OSBPL9: variants seen among roughly 807,000 people sequenced by gnomAD.
OSBPL9 encodes the protein oxysterol-binding protein-related protein 9.
A neutral mutation model predicts 106.6 loss-of-function variants in OSBPL9; 40 were observed. The ratio of observed to expected loss-of-function variants is 0.38; its 90% CI spans 0.29 to 0.49. The LOEUF is 0.49. Ranked by LOEUF, OSBPL9 falls within the 20% of genes least tolerant of loss-of-function variation. The probability of loss-of-function intolerance (pLI) is 0.97; values close to 1 mark genes in which losing one functional copy is unlikely to be tolerated. For synonymous variants in OSBPL9, 269 were observed against 295.4 expected, an observed-to-expected ratio of 0.91 and a Z score of 0.92; for missense variants, 609 against 887.2, an observed-to-expected ratio of 0.69 and a Z score of 3.98.
At chr1:51,530,212 A>C in the OSBPL9 span, among the ~76,000 whole-genome samples, 1 of 144,764 alleles carries the variant, frequency 6.9e-6, no homozygotes, top group Admixed American at 6.9e-5. Context: ...AAAACCTCTA[A>C]GAAGAAAACA....
chr1:51,632,034 A>G (rs902796896), intron 1 of OSBPL9, among the ~76,000 whole-genome samples: 3 of 152,112 alleles, frequency 2.0e-5, no homozygotes, highest in Admixed American at 1.3e-4. Context: ...TATGATAACA[A>G]TGCTTTCTTC....
intron 22 of OSBPL9, 36 bp downstream of exon 22, chr1:51,786,653 G>A: frequency 6.4e-7 from 1 of 1,562,708 alleles, no homozygotes; most frequent in Non-Finnish European, 8.8e-7. Context: ...TATTGCTGCA[G>A]TGCTTAAACT....
intron 3 of OSBPL9, chr1:51,709,031 C>G (rs1659228757): frequency 6.6e-6 from 1 of 152,194 alleles, no homozygotes; most frequent in African/African-American, 2.4e-5. Flanking sequence ...GAGCAAGCAG[C>G]TCCCTCCCTC....
At chr1:51,546,953 A>AGCAAC in the OSBPL9 span, among the ~76,000 whole-genome samples, 1 of 152,232 alleles carries the variant, frequency 6.6e-6, no homozygotes, top group Non-Finnish European at 1.5e-5. Flanking sequence ...TAATTAAATC[A>AGCAAC]GCAACGTACT....
chr1:51,607,309 G>A (rs1643956052), intron 2 of OSBPL9, among the ~76,000 whole-genome samples: 2 of 151,450 alleles, frequency 1.3e-5, no homozygotes, highest in South Asian at 4.2e-4. Flanking sequence ...TCACAAGTGT[G>A]CACCACCACA....
upstream of OSBPL9, chr1:51,574,190 A>G (rs1272947457): frequency 2.6e-5 from 4 of 152,244 alleles, no homozygotes; most frequent in African/African-American, 4.8e-5. Context: ...CAATTGTCTG[A>G]ATCCCACTAT....
In OSBPL9 at chr1:51,736,257, C is replaced by T. The variant is rs189060312; in HGVS notation, c.319-9279C>T. Among the ~76,000 whole-genome samples the T allele has an allele frequency of 4.7e-4, 71 of 152,264 alleles. 3 individuals carry two copies. In the South Asian group the frequency reaches 0.012, roughly 25 times the overall value. ...CAGTAATTTTGTATGCACTTTTTAA[C>T]AACTTTAGCGAAAACCGAATCTGTT... On this transcript the variant is annotated intron_variant, in intron 4 of 23. Coordinates refer to ENST00000428468, the MANE Select transcript of OSBPL9 (RefSeq NM_024586.6).
chr1:51,784,142 G>A, intron 18 of OSBPL9, 117 bp downstream of exon 18: 2 of 1,379,144 alleles, frequency 1.5e-6, no homozygotes, highest in South Asian at 1.2e-5. Context: ...AGCAAAGGGT[G>A]GGGAACTAGA....
intron 4 of OSBPL9, among the ~76,000 whole-genome samples, chr1:51,734,665 A>T (rs1401933340): frequency 6.6e-6 from 1 of 152,138 alleles, no homozygotes; most frequent in Non-Finnish European, 1.5e-5. Context: ...AAAAATTTTT[A>T]TTATTGTGGA....
intron 15 of OSBPL9, among the ~76,000 whole-genome samples, 193 bp from the exon 16 acceptor site, chr1:51,780,968 AAAG>A (rs1332597252): frequency 1.3e-5 from 2 of 152,206 alleles, no homozygotes; most frequent in African/African-American, 4.8e-5. Flanking sequence ...ATTAAAAAAA[AAAG>A]AAAAAACCAC....
chr1:51,549,791 C>G, the OSBPL9 span, among the ~76,000 whole-genome samples: 1 of 152,244 alleles, frequency 6.6e-6, no homozygotes, highest in African/African-American at 2.4e-5. Flanking sequence ...TGAGATTGTG[C>G]CACTGCACTC....
chr1:51,553,177 G>A, the OSBPL9 span, among the ~76,000 whole-genome samples: 30 of 151,970 alleles, frequency 2.0e-4, no homozygotes, highest in East Asian at 1.9e-4. Flanking sequence ...CTAGGAGGCC[G>A]GGGAAGCTGG....
At chr1:51,765,737 T>C in intron 11 of OSBPL9, 85 bp from the exon 12 acceptor site, 2 of 1,281,530 alleles carry the variant, frequency 1.6e-6, no homozygotes, top group Non-Finnish European at 1.1e-6. Context: ...TCTTTTTTGA[T>C]TTTAGAAAAG....
intron 8 of OSBPL9, among the ~76,000 whole-genome samples, chr1:51,751,965 G>T (rs1300983125): frequency 6.6e-6 from 1 of 152,138 alleles, no homozygotes; most frequent in Non-Finnish European, 1.5e-5. Context: ...CCAGAAGGAA[G>T]TTTTATTGTT....
intron 1 of OSBPL9, among the ~76,000 whole-genome samples, chr1:51,620,889 C>A (rs1184725484): frequency 1.3e-5 from 2 of 151,704 alleles, no homozygotes; most frequent in South Asian, 2.1e-4. Context: ...TTTGATAAGA[C>A]TGGTTAATTT....
the OSBPL9 span, among the ~76,000 whole-genome samples, chr1:51,528,337 T>G: frequency 6.6e-6 from 1 of 152,110 alleles, no homozygotes; most frequent in Non-Finnish European, 1.5e-5. Flanking sequence ...AGATACAACA[T>G]TAATATACAA....
intron 4 of OSBPL9, among the ~76,000 whole-genome samples, chr1:51,733,972 T>A (rs1008147311): frequency 1.3e-5 from 2 of 152,170 alleles, no homozygotes; most frequent in African/African-American, 2.4e-5. Context: ...AAGGTGAAAT[T>A]TGAGCTCATT....
chr1:51,754,653 C>T (rs1669954842), intron 8 of OSBPL9, among the ~76,000 whole-genome samples: 1 of 152,126 alleles, frequency 6.6e-6, no homozygotes, highest in South Asian at 2.1e-4. Context: ...TTTCTTATAA[C>T]ATTTCGAAAG....
intron 9 of OSBPL9, 180 bp from the exon 10 acceptor site, chr1:51,760,507 CTAT>C (rs2149063694): frequency 1.3e-6 from 1 of 742,504 alleles, no homozygotes; most frequent in African/African-American, 1.8e-5. Context: ...TCTTTCCTTA[CTAT>C]GCTTTAAGCA....
Sources: allele counts gnomAD v4.1 joint callset (sites outside exome capture counted in the v4.1 genomes callset), GRCh38; gene constraint gnomAD v4.1.1; transcripts MANE v1.5; gene names NCBI Gene and HGNC (gene_info 2026-07-23, HGNC 2026-07-21).